Variants in GLP1R observed in about 807,000 individuals in gnomAD.
GLP1R encodes glucagon like peptide 1 receptor.
In GLP1R, 32 loss-of-function variants were observed where a neutral mutation model predicts 68.4. The observed-to-expected ratio is 0.47, with a 90% CI of 0.35 to 0.63. The LOEUF (loss-of-function observed/expected upper bound fraction) is 0.63, where lower values mean the gene tolerates loss of function less well. GLP1R is among the 20% of genes least tolerant of loss of function. The pLI, the probability that GLP1R is intolerant of heterozygous loss-of-function variation, is 0.00. For synonymous variants in GLP1R, 263 were observed against 244.4 expected (o/e 1.08, Z -0.71); for missense variants, 502 against 594.9 (o/e 0.84, Z 1.62).
intron 6 of GLP1R, 39 bp downstream of exon 6, chr6:39,073,054 C>A: frequency 1.3e-6 from 2 of 1,588,340 alleles, no homozygotes; most frequent in Non-Finnish European, 8.6e-7. Flanking sequence ...GAGGGATGGG[C>A]GGTTGGAGGA....
chr6:39,064,512 T>C (rs574720247), intron 3 of GLP1R, among the ~76,000 whole-genome samples: 2 of 152,302 alleles, frequency 1.3e-5, no homozygotes, highest in South Asian at 2.1e-4. Context: ...TTGGTCCCCC[T>C]GTTCTTCCTA....
intron 3 of GLP1R, among the ~76,000 whole-genome samples, chr6:39,059,783 G>A (rs1424233872): frequency 6.6e-6 from 1 of 152,114 alleles, no homozygotes; most frequent in African/African-American, 2.4e-5. Flanking sequence ...TAGACCCCAG[G>A]GAGCCAGGCG....
At position 39,056,510 on chromosome 6, in the gene GLP1R, T is replaced by G; in HGVS notation, c.175+17T>G. 4 of 1,366,246 alleles carry G rather than the reference T, an allele frequency of 2.9e-6. No individual in the cohort carries two copies. The highest frequency in any genetic ancestry group is 3.1e-6 in the Non-Finnish European group (3 of 954,692). 84.6% of individuals were successfully genotyped at this position (1,366,246 alleles called of 1,614,324 possible). A position where few individuals can be genotyped will look rare whatever the true frequency, so the allele number is the denominator to read the frequency against. ...CTGCCACAGGTGAGTCCATGTAGGC[T>G]CCCCACCTTTAGTGCTCCCCACCCA... On this transcript the variant is annotated intron_variant, in intron 2 of 12. Coordinates refer to ENST00000373256, the MANE Select transcript of GLP1R (RefSeq NM_002062.5).
intron 1 of GLP1R, among the ~76,000 whole-genome samples, chr6:39,054,861 G>C (rs1483024728): frequency 6.6e-6 from 1 of 152,202 alleles, no homozygotes; most frequent in Non-Finnish European, 1.5e-5. Context: ...GGGGCGGTGG[G>C]GGTTGATCCA....
At chr6:39,065,114 C>T (rs1296039692) in intron 3 of GLP1R, among the ~76,000 whole-genome samples, 2 of 152,200 alleles carry the variant, frequency 1.3e-5, no homozygotes, top group Non-Finnish European at 2.9e-5. Context: ...TCTGTGTCTC[C>T]TCCATCAGAT....
At chr6:39,078,224 G>C in intron 7 of GLP1R, 98 bp from the exon 8 acceptor site, 1 of 858,806 alleles carries the variant, frequency 1.2e-6, no homozygotes. Context: ...AGAGGGGCTG[G>C]AAGTGTGAGG....
intron 1 of GLP1R, among the ~76,000 whole-genome samples, chr6:39,053,669 T>C (rs1222707267): frequency 1.3e-5 from 2 of 152,172 alleles, no homozygotes; most frequent in Non-Finnish European, 2.9e-5. Flanking sequence ...TTTGCACAAG[T>C]GTAAGCTGAG....
At chr6:39,072,272 GATA>G (rs548394030) in intron 5 of GLP1R, among the ~76,000 whole-genome samples, 54 of 152,314 alleles carry the variant, frequency 3.5e-4, no homozygotes, top group African/African-American at 1.3e-3. Flanking sequence ...TAGAAGCAGT[GATA>G]ACAGACATCC....
chr6:39,078,586 G>A (rs945339159), intron 8 of GLP1R, among the ~76,000 whole-genome samples: 1 of 152,078 alleles, frequency 6.6e-6, no homozygotes, highest in African/African-American at 2.4e-5. Context: ...GATGACTAAC[G>A]GAACTGGGTC....
chr6:39,091,072 G>C lies in GLP1R; in HGVS notation c.*4999G>C, dbSNP rs1461739040. ...AGAGAGGTAAGCCAAGCTCTCAGGA[G>C]GGACAAAGATAGATTTCTATCTTCA... On this transcript the variant is annotated 3_prime_UTR_variant, in exon 13 of 13. Transcript: ENST00000373256. Among the ~76,000 whole-genome samples the C allele has an allele frequency of 6.6e-6, 1 of 152,172 alleles. No individual in the cohort carries two copies. Among genetic ancestry groups the C allele is most frequent in the Admixed American group, 6.5e-5 (1 of 15,290 alleles).
intron 5 of GLP1R, among the ~76,000 whole-genome samples, chr6:39,067,529 A>C (rs1268696230): frequency 1.3e-5 from 2 of 152,206 alleles, no homozygotes; most frequent in African/African-American, 2.4e-5. Context: ...ATAAGGTACT[A>C]ATCCCATTCG....
intron 5 of GLP1R, among the ~76,000 whole-genome samples, chr6:39,068,378 T>C (rs1022565527): frequency 6.6e-6 from 1 of 151,704 alleles, no homozygotes; most frequent in Non-Finnish European, 1.5e-5. Flanking sequence ...GCTCTACCAG[T>C]CTGGGGTCTT....
At chr6:39,062,477 G>A (rs894741342) in intron 3 of GLP1R, among the ~76,000 whole-genome samples, 4 of 152,192 alleles carry the variant, frequency 2.6e-5, no homozygotes, top group East Asian at 1.9e-4. Flanking sequence ...CTCACTGAGC[G>A]AGGGACACAG....
intron 1 of GLP1R, among the ~76,000 whole-genome samples, chr6:39,050,209 A>G (rs907160651): frequency 2.0e-5 from 3 of 152,094 alleles, no homozygotes; most frequent in African/African-American, 7.2e-5. Flanking sequence ...GCCCCCAGCC[A>G]GGCCTTGGTT....
intron 5 of GLP1R, among the ~76,000 whole-genome samples, chr6:39,066,780 G>A (rs10305465): frequency 6.7e-4 from 102 of 152,222 alleles, no homozygotes; most frequent in African/African-American, 2.4e-3. Context: ...TAGGAGCTGG[G>A]AACAGAGTAC....
intron 12 of GLP1R, among the ~76,000 whole-genome samples, chr6:39,082,055 A>G (rs1167539414): frequency 6.6e-6 from 1 of 152,210 alleles, no homozygotes; most frequent in Non-Finnish European, 1.5e-5. Flanking sequence ...AGTGATTCCC[A>G]GAGACAGGGG....
rs1041932472 is a variant in GLP1R, at chr6:39,087,772, T to C, written c.*1699T>C. ...TTCAGTGAAGTGTTGTCTATGTTAA[T>C]AGGCAAGTTGAACCTCGGGCTAAAG... On this transcript the variant is annotated 3_prime_UTR_variant, in exon 13 of 13. Coordinates refer to ENST00000373256, the MANE Select transcript of GLP1R (RefSeq NM_002062.5). 20 of 152,302 alleles carry C rather than the reference T, an allele frequency of 1.3e-4. No individual in the cohort carries two copies. Among genetic ancestry groups the C allele is most frequent in the African/African-American group, 4.3e-4 (18 of 41,572 alleles). The allele number at this position is 152,302 out of a possible 1,614,324, so 9.4% of individuals were successfully genotyped here.
rs1263908742 is a variant in GLP1R, at chr6:39,090,180, T to C, written c.*4107T>C. ...AGAGGGCCGAGACAGGAAGCATTAT[T>C]AAGCAGTATAATTTCAAACACTTTA... On this transcript the variant is annotated 3_prime_UTR_variant, in exon 13 of 13. Coordinates refer to ENST00000373256, the MANE Select transcript of GLP1R (RefSeq NM_002062.5). Among the ~76,000 whole-genome samples the C allele has an allele frequency of 6.6e-6, 1 of 152,202 alleles. No individual in the cohort carries two copies. Among genetic ancestry groups the C allele is most frequent in the East Asian group, 1.9e-4 (1 of 5,196 alleles).
At chr6:39,056,062 C>T (rs962407106) in intron 1 of GLP1R, among the ~76,000 whole-genome samples, 41 of 152,180 alleles carry the variant, frequency 2.7e-4, no homozygotes, top group Non-Finnish European at 3.7e-4. Flanking sequence ...AGTCTCTCTC[C>T]TAAGTGAGAT....
Sources: allele counts gnomAD v4.1 joint callset (sites outside exome capture counted in the v4.1 genomes callset), GRCh38; gene constraint gnomAD v4.1.1; transcripts MANE v1.5; gene names NCBI Gene and HGNC (gene_info 2026-07-23, HGNC 2026-07-21).